MTMR6: variants seen among roughly 807,000 people sequenced by gnomAD.
MTMR6 encodes the protein myotubularin related protein 6.
A neutral mutation model predicts 80.1 loss-of-function variants in MTMR6; 47 were observed. That is an observed-to-expected ratio of 0.59 (90% CI 0.46 to 0.75). The LOEUF (loss-of-function observed/expected upper bound fraction) is 0.75. Among genes scored for constraint, MTMR6 ranks in the 30% least tolerant of loss-of-function variants. The pLI, the probability that MTMR6 is intolerant of heterozygous loss-of-function variation, is 0.00. For synonymous variants in MTMR6, 254 were observed against 253.0 expected, an observed-to-expected ratio of 1.00 and a Z score of -0.04; for missense variants, 629 against 730.9, an observed-to-expected ratio of 0.86 and a Z score of 1.61.
At chr13:25,261,948 C>A in intron 5 of MTMR6, 146 bp from the exon 6 acceptor site, 8 of 718,978 alleles carry the variant, frequency 1.1e-5, no homozygotes, top group Non-Finnish European at 1.7e-5. Flanking sequence ...GAATTAAATA[C>A]TATTTCAATA....
chr13:25,253,288 G>A (rs527422327), intron 11 of MTMR6, among the ~76,000 whole-genome samples: 42 of 152,246 alleles, frequency 2.8e-4, no homozygotes, highest in Admixed American at 6.5e-4. Flanking sequence ...GAGCTATAAG[G>A]CTCCATCCTA....
intron 2 of MTMR6, among the ~76,000 whole-genome samples, chr13:25,269,830 C>A (rs1434630000): frequency 6.6e-6 from 1 of 152,174 alleles, no homozygotes; most frequent in South Asian, 2.1e-4. Flanking sequence ...CACACACACA[C>A]ACATATATAG....
chr13:25,249,513 A>G, intron 13 of MTMR6, 21 bp from the exon 14 acceptor site: 1 of 1,603,020 alleles, frequency 6.2e-7, no homozygotes, highest in Admixed American at 1.7e-5. Flanking sequence ...CACAAATTTG[A>G]AAAAATTACT....
At chr13:25,257,402 T>C (rs915782063) in intron 8 of MTMR6, 81 bp from the exon 9 acceptor site, 1 of 1,520,898 alleles carries the variant, frequency 6.6e-7, no homozygotes, top group Non-Finnish European at 8.9e-7. Context: ...CTAGCAGGTA[T>C]TGTGTTACAA....
chr13:25,269,617 T>C (rs891625534), intron 2 of MTMR6, among the ~76,000 whole-genome samples: 5 of 152,088 alleles, frequency 3.3e-5, no homozygotes, highest in Middle Eastern at 3.2e-3. Context: ...CAATCTGCTT[T>C]GTTTTGTAGT....
chr13:25,285,860 T>C (rs919368098), intron 1 of MTMR6, among the ~76,000 whole-genome samples: 7 of 152,158 alleles, frequency 4.6e-5, no homozygotes, highest in Non-Finnish European at 1.0e-4. Context: ...TTGTGTGCTA[T>C]GCACCGTAGA....
chr13:25,270,353 T>A (rs1957544279), intron 2 of MTMR6, among the ~76,000 whole-genome samples: 1 of 152,196 alleles, frequency 6.6e-6, no homozygotes, highest in African/African-American at 2.4e-5. Flanking sequence ...ATGGCTCTAG[T>A]ATATTAAACA....
intron 2 of MTMR6, among the ~76,000 whole-genome samples, chr13:25,271,391 A>G (rs1957572681): frequency 6.6e-6 from 1 of 152,162 alleles, no homozygotes; most frequent in African/African-American, 2.4e-5. Context: ...TAGTCACCCA[A>G]GCAGTGAACA....
In MTMR6 at chr13:25,248,123, A is replaced by G. The variant is rs1463392377; in HGVS notation, c.*1109T>C. The G allele has an allele frequency of 1.3e-5, 2 of 152,246 alleles. No homozygotes were observed. The highest frequency in any genetic ancestry group is 3.9e-4 in the East Asian group (2 of 5,190). 9.4% of individuals were successfully genotyped at this position (152,246 alleles called of 1,614,324 possible). A position where few individuals can be genotyped will look rare whatever the true frequency, so the allele number is the denominator to read the frequency against. On this transcript the variant is annotated 3_prime_UTR_variant, in exon 14 of 14. Coordinates refer to ENST00000381801, the MANE Select transcript of MTMR6 (RefSeq NM_004685.5). ...TCTCTTTTTTTTTCTATATTTAACA[A>G]GAAGAAAAATAATGCTCCACATAGA...
chr13:25,270,931 A>G (rs73464624), intron 2 of MTMR6, among the ~76,000 whole-genome samples: 2,868 of 152,286 alleles, frequency 0.019, 107 homozygotes, highest in African/African-American at 0.066. Context: ...TAGTATGAGC[A>G]GCTATGATTT....
intron 6 of MTMR6, among the ~76,000 whole-genome samples, chr13:25,259,938 TG>T (rs1957295445): frequency 6.6e-6 from 1 of 152,014 alleles, no homozygotes; most frequent in Admixed American, 6.6e-5. Context: ...CTCGGCTCAC[TG>T]CAACCTCTGC....
At chr13:25,272,812 CT>C (rs1368281897) in intron 2 of MTMR6, among the ~76,000 whole-genome samples, 3 of 152,114 alleles carry the variant, frequency 2.0e-5, no homozygotes, top group African/African-American at 7.2e-5. Flanking sequence ...ATATGCACCA[CT>C]TTTTCTTTAT....
intron 2 of MTMR6, among the ~76,000 whole-genome samples, chr13:25,273,619 A>C (rs1342540845): frequency 1.3e-5 from 2 of 150,228 alleles, no homozygotes; most frequent in East Asian, 3.9e-4. Context: ...TCCGCCTCTC[A>C]AGTTCAAGCA....
At chr13:25,264,116 G>A (rs1211983507) in intron 5 of MTMR6, among the ~76,000 whole-genome samples, 1 of 151,728 alleles carries the variant, frequency 6.6e-6, no homozygotes, top group African/African-American at 2.4e-5. Context: ...CATCCTCAAA[G>A]AACTAAAACA....
chr13:25,248,309 T>C lies in MTMR6; in HGVS notation c.*923A>G, dbSNP rs1957021755. On this transcript the variant is annotated 3_prime_UTR_variant, in exon 14 of 14. Coordinates refer to ENST00000381801, the MANE Select transcript of MTMR6 (RefSeq NM_004685.5). ...TAAAAATATACATATACATGTACTA[T>C]TCATTGTTTCTCAGAACAGTTTTAG... The C allele has an allele frequency of 6.6e-6, 1 of 152,162 alleles. No homozygotes were observed. Among genetic ancestry groups the C allele is most frequent in the South Asian group, 2.1e-4 (1 of 4,832 alleles). The allele number at this position is 152,162 out of a possible 1,614,324, so 9.4% of individuals were successfully genotyped here.
intron 1 of MTMR6, 36 bp downstream of exon 1, chr13:25,287,188 G>C (rs769887913): frequency 1.9e-6 from 3 of 1,586,238 alleles, no homozygotes; most frequent in South Asian, 2.3e-5. Context: ...GGTCAGAGCA[G>C]GGCCCCTGAA....
At chr13:25,280,330 G>C (rs935249715) in intron 1 of MTMR6, among the ~76,000 whole-genome samples, 1 of 152,180 alleles carries the variant, frequency 6.6e-6, no homozygotes, top group East Asian at 1.9e-4. Flanking sequence ...GAATGTGACA[G>C]ATAGTGAAAT....
chr13:25,257,356 T>C, intron 8 of MTMR6, 35 bp from the exon 9 acceptor site: 1 of 1,607,192 alleles, frequency 6.2e-7, no homozygotes. Flanking sequence ...CTAGCGTACT[T>C]TAAGGTAAAC....
intron 1 of MTMR6, among the ~76,000 whole-genome samples, chr13:25,284,258 T>C (rs1384294650): frequency 1.3e-5 from 2 of 152,204 alleles, no homozygotes; most frequent in Non-Finnish European, 2.9e-5. Context: ...TACATAGTCT[T>C]TGGAGTTAAA....
Sources: gnomAD v4.1 joint callset for allele counts (sites outside exome capture counted in the v4.1 genomes callset) on GRCh38, gnomAD v4.1.1 for gene constraint, MANE v1.5 for transcripts, NCBI Gene and HGNC (gene_info 2026-07-23, HGNC 2026-07-21) for gene names.